RPL28: variants seen among roughly 807,000 people sequenced by gnomAD.
RPL28 encodes the protein large ribosomal subunit protein eL28.
RPL28 carries 4 observed loss-of-function variants against 12.5 expected under a neutral mutation model. The observed-to-expected ratio is 0.32, with a 90% confidence interval of 0.16 to 0.73. The LOEUF (loss-of-function observed/expected upper bound fraction) is 0.73, where lower values mean the gene tolerates loss of function less well. Ranked by LOEUF, RPL28 falls within the 30% of genes least tolerant of loss-of-function variation. The pLI is 0.66. For synonymous variants in RPL28, 91 were observed against 72.5 expected, an observed-to-expected ratio of 1.26 and a Z score of -1.30; for missense variants, 214 against 197.7, an observed-to-expected ratio of 1.08 and a Z score of -0.49.
intron 4 of RPL28, among the ~76,000 whole-genome samples, chr19:55,397,769 T>TGAGGTGGGAGGGGG (rs2090033411): frequency 7.8e-6 from 1 of 128,682 alleles, no homozygotes; most frequent in African/African-American, 2.9e-5. Flanking sequence ...CTAGGGAGGC[T>TGAGGTGGGAGGGGG]GAGGTGGGAG....
At chr19:55,401,907 C>T in intron 4 of RPL28, 1 of 680,494 alleles carries the variant, frequency 1.5e-6, no homozygotes, top group Non-Finnish European at 2.1e-6. Flanking sequence ...TGCATCCTCC[C>T]TCATCTTTGC....
chr19:55,386,050 C>T (rs1767530671), intron 1 of RPL28, 85 bp downstream of exon 1: 2 of 357,930 alleles, frequency 5.6e-6, no homozygotes, highest in South Asian at 2.9e-5. Flanking sequence ...TCTCCCCTTG[C>T]GCCTCAAGGG....
chr19:55,402,568 C>T (rs183507250), intron 4 of RPL28, among the ~76,000 whole-genome samples: 1 of 152,362 alleles, frequency 6.6e-6, no homozygotes, highest in African/African-American at 2.4e-5. Context: ...CACTATGACA[C>T]ATACACAGTA....
chr19:55,389,861 C>G lies in RPL28; in HGVS notation c.*1529C>G, dbSNP rs549983952. 1.0e-6 allele frequency: 1 copy of G among 985,226 alleles called. No individual in the cohort carries two copies. Among genetic ancestry groups the G allele is most frequent in the South Asian group, 4.7e-5 (1 of 21,290 alleles). 61.0% of individuals were successfully genotyped at this position (985,226 alleles called of 1,614,324 possible). A position where few individuals can be genotyped will look rare whatever the true frequency, so the allele number is the denominator to read the frequency against. ...CCACTCAGGCCCACCTCCAGCTGGC[C>G]TCACTCCGCTGGTGACTTCGTACCT... On this transcript the variant is annotated 3_prime_UTR_variant, in exon 5 of 5. Coordinates refer to ENST00000344063, the MANE Select transcript of RPL28 (RefSeq NM_000991.5).
rs562997171 is a variant in RPL28, at chr19:55,385,955, T to C, written c.-19T>C. The C allele has an allele frequency of 2.0e-5, 5 of 244,956 alleles. No individual in the cohort carries two copies. In the South Asian group the frequency reaches 2.3e-4, roughly 11 times the overall value. The allele number at this position is 244,956 out of a possible 1,614,324, so 15.2% of individuals were successfully genotyped here. On this transcript the variant is annotated 5_prime_UTR_variant, in exon 1 of 5. Transcript: ENST00000344063. ...TCCTCTTTCCGTCTCAGGTCGCCGC[T>C]GCGAAGGGAGGTGAGCGTTCGTCTT... is the stretch of plus-strand genomic sequence containing the variant.
At position 55,388,340 on chromosome 19, in the gene RPL28, GC is replaced by G. The variant is rs1170854972; in HGVS notation, c.*13del. 2.6e-6 allele frequency: 4 copies of G among 1,514,538 alleles called. No individual in the cohort carries two copies. In the African/African-American group the frequency reaches 4.2e-5, roughly 16 times the overall value. The allele number at this position is 1,514,538 out of a possible 1,614,324, so 93.8% of individuals were successfully genotyped here. A position where few individuals can be genotyped will look rare whatever the true frequency, so the allele number is the denominator to read the frequency against. On this transcript the variant is annotated 3_prime_UTR_variant, in exon 5 of 5. Coordinates refer to ENST00000344063, the MANE Select transcript of RPL28 (RefSeq NM_000991.5). ...CCCACCAAGAGCTCCTGAGCCCCCT[GC>G]CCCCAGAGCAATAAAGTCAGCTGGC...
chr19:55,400,395 C>T (rs2090048611), intron 4 of RPL28: 1 of 152,190 alleles, frequency 6.6e-6, no homozygotes, highest in Admixed American at 6.5e-5. Flanking sequence ...AGTTTCCCCA[C>T]CCCCTGGTGT....
At chr19:55,387,820 A>G (rs2089947637) in intron 3 of RPL28, 110 bp from the exon 4 acceptor site, 1 of 1,473,206 alleles carries the variant, frequency 6.8e-7, no homozygotes, top group African/African-American at 1.4e-5. Context: ...GGCACCCGCC[A>G]CGGGCCCACG....
intron 4 of RPL28, chr19:55,400,187 T>TA (rs2090046776): frequency 6.6e-6 from 1 of 152,202 alleles, no homozygotes; most frequent in Non-Finnish European, 1.5e-5. Context: ...ATTTTTATTG[T>TA]AAATGTATTT....
Position 55,391,886 on chromosome 19 carries a change from C to CAGTA in RPL28, c.*3556_*3559dup. ...CTGGAAGACATGCCAGATCCATGTG[C>CAGTA]AGTAATGCCTGGTGGCTCCAGGTCT... On this transcript the variant is annotated 3_prime_UTR_variant, in exon 5 of 5. Transcript: ENST00000344063. 7.4e-7 allele frequency: 1 copy of CAGTA among 1,355,716 alleles called. No individual in the cohort carries two copies. The highest frequency in any genetic ancestry group is 9.5e-7 in the Non-Finnish European group (1 of 1,048,774). 84.0% of individuals were successfully genotyped at this position (1,355,716 alleles called of 1,614,324 possible). A position where few individuals can be genotyped will look rare whatever the true frequency, so the allele number is the denominator to read the frequency against.
At chr19:55,401,866 A>T in intron 4 of RPL28, 2 of 1,237,742 alleles carry the variant, frequency 1.6e-6, no homozygotes, top group Non-Finnish European at 2.3e-6. Context: ...TCTGCTCCCA[A>T]CTCAGCTGCA....
chr19:55,391,398 C>T lies in RPL28; in HGVS notation c.*3066C>T. On this transcript the variant is annotated 3_prime_UTR_variant, in exon 5 of 5. Coordinates refer to ENST00000344063, the MANE Select transcript of RPL28 (RefSeq NM_000991.5). Reference sequence around the variant, plus strand: ...CATAAGGCAGGTGTCTCAGTGTTCACTGCTGTCTCTCCAGCTCTTAGTCCA... The same window carrying T: ...CATAAGGCAGGTGTCTCAGTGTTCATTGCTGTCTCTCCAGCTCTTAGTCCA... 1 of 1,284,316 alleles carries T rather than the reference C, an allele frequency of 7.8e-7. No individual in the cohort carries two copies. The highest frequency in any genetic ancestry group is 9.9e-7 in the Non-Finnish European group (1 of 1,012,826). The allele number at this position is 1,284,316 out of a possible 1,614,324, so 79.6% of individuals were successfully genotyped here. A position where few individuals can be genotyped will look rare whatever the true frequency, so the allele number is the denominator to read the frequency against.
intron 4 of RPL28, chr19:55,400,183 A>T (rs1018868761): frequency 6.6e-6 from 1 of 152,126 alleles, no homozygotes; most frequent in Admixed American, 6.5e-5. Context: ...GTAGATTTTT[A>T]TTGTAAATGT....
rs2089971294 is a variant in RPL28 at position 55,389,658 on chromosome 19, G to C, written c.*1326G>C. 2.0e-6 allele frequency: 2 copies of C among 985,424 alleles called. No individual in the cohort carries two copies. Among genetic ancestry groups the C allele is most frequent in the Non-Finnish European group, 2.4e-6 (2 of 830,008 alleles). The allele number at this position is 985,424 out of a possible 1,614,324, so 61.0% of individuals were successfully genotyped here. ...TCCGACCTCAGTCCTGTCTGCTCCA[G>C]TCTTGCCCAGCTCGAAGGAGAGCAG... On this transcript the variant is annotated 3_prime_UTR_variant, in exon 5 of 5. Coordinates refer to ENST00000344063, the MANE Select transcript of RPL28 (RefSeq NM_000991.5).
At chr19:55,393,360 T>G (rs1482263450), downstream of RPL28, among the ~76,000 whole-genome samples, 1 of 149,012 alleles carries the variant, frequency 6.7e-6, no homozygotes, top group Non-Finnish European at 1.5e-5. Context: ...CTGTAATCTC[T>G]GAGGCCTCTC....
chr19:55,395,661 T>C (rs935752358), downstream of RPL28, among the ~76,000 whole-genome samples: 2 of 149,876 alleles, frequency 1.3e-5, no homozygotes, highest in South Asian at 2.1e-4. Flanking sequence ...GCCAGGATGG[T>C]CTCAATCTCC....
At chr19:55,394,135 G>A (rs1285371126), downstream of RPL28, among the ~76,000 whole-genome samples, 2 of 152,046 alleles carry the variant, frequency 1.3e-5, no homozygotes, top group East Asian at 2.0e-4. Flanking sequence ...GGTGGTGTGC[G>A]CCTGTAGTCC....
In RPL28 at chr19:55,392,066, T is replaced by A; in HGVS notation, c.*3734T>A. ...TTTCTCTTGTAGCCAGTTACTAGAATAAAATCATCTACTTTAAAATCTTTC... is the reference window on the plus strand; with the variant it reads ...TTTCTCTTGTAGCCAGTTACTAGAAAAAAATCATCTACTTTAAAATCTTTC... On this transcript the variant is annotated 3_prime_UTR_variant, in exon 5 of 5. Transcript: ENST00000344063. The A allele has an allele frequency of 9.8e-7, 1 of 1,018,222 alleles. No homozygotes were observed. The highest frequency in any genetic ancestry group is 1.7e-5 in the African/African-American group (1 of 58,716). The allele number at this position is 1,018,222 out of a possible 1,614,324, so 63.1% of individuals were successfully genotyped here.
intron 4 of RPL28, chr19:55,401,612 C>T (rs758756486): frequency 4.4e-6 from 7 of 1,606,688 alleles, no homozygotes; most frequent in Non-Finnish European, 5.1e-6. Flanking sequence ...CCGGCTTCGG[C>T]CCTGCCGCTG....
Sources: gnomAD v4.1 joint callset for allele counts (sites outside exome capture counted in the v4.1 genomes callset) on GRCh38, gnomAD v4.1.1 for gene constraint, MANE v1.5 for transcripts, NCBI Gene and HGNC (gene_info 2026-07-23, HGNC 2026-07-21) for gene names.